The following LSAMP variants were observed in gnomAD, a reference collection of about 807,000 sequenced individuals.
The protein encoded by LSAMP is limbic system-associated membrane protein.
A neutral mutation model predicts 38.6 loss-of-function variants in LSAMP; 7 were observed. That is an observed-to-expected ratio of 0.18 (90% CI 0.10 to 0.34). The LOEUF (loss-of-function observed/expected upper bound fraction) is 0.34. Ranked by LOEUF, LSAMP falls within the 10% of genes least tolerant of loss-of-function variation. The probability of loss-of-function intolerance (pLI) is 1.00; values close to 1 mark genes in which losing one functional copy is unlikely to be tolerated. For synonymous variants in LSAMP, 154 were observed against 166.8 expected (o/e 0.92, Z 0.59); for missense variants, 313 against 420.0 (o/e 0.75, Z 2.23).
chr3:116,057,932 T>TACACACACACACACACACACACACACAC (rs535645480), intron 2 of LSAMP, among the ~76,000 whole-genome samples: 2 of 136,658 alleles, frequency 1.5e-5, no homozygotes, highest in South Asian at 2.3e-4. Context: ...ATATAGTAGC[T>TACACACACACACACACACACACACACAC]ACACACACAC....
intron 3 of LSAMP, among the ~76,000 whole-genome samples, chr3:115,954,791 ATTAT>A (rs1241367459): frequency 2.0e-5 from 3 of 152,074 alleles, no homozygotes; most frequent in Admixed American, 1.3e-4. Flanking sequence ...TAGCTCCATT[ATTAT>A]TTATTTCTCA....
chr3:116,113,650 C>T (rs192976825), intron 1 of LSAMP, among the ~76,000 whole-genome samples: 28 of 151,836 alleles, frequency 1.8e-4, no homozygotes, highest in African/African-American at 6.5e-4. Context: ...TGGTCTCGAT[C>T]TCCTGGCCTT....
chr3:115,926,953 C>T (rs1937510335), intron 3 of LSAMP, among the ~76,000 whole-genome samples: 1 of 152,138 alleles, frequency 6.6e-6, no homozygotes, highest in Admixed American at 6.6e-5. Context: ...AGCACAGTAA[C>T]TTTGTCTTAT....
rs548069191 is a variant in LSAMP, at chr3:116,409,866, G to A, written c.155+35011C>T. The stretch of plus-strand genomic sequence containing the variant: ...AAGAAGAAAGATGCTTATTTACGGA[G>A]GCATGCTGAAGGAAAAAGAGAATTA... On this transcript the variant is annotated intron_variant, in intron 1 of 6. Coordinates refer to ENST00000490035, the MANE Select transcript of LSAMP (RefSeq NM_002338.5). Among the ~76,000 whole-genome samples, 6 of 152,138 alleles carry A rather than the reference G, an allele frequency of 3.9e-5. No individual in the cohort carries two copies. In the South Asian group the frequency reaches 8.3e-4, roughly 21 times the overall value.
intron 1 of LSAMP, among the ~76,000 whole-genome samples, chr3:116,162,532 C>T (rs1263954758): frequency 2.0e-5 from 3 of 151,988 alleles, no homozygotes; most frequent in Non-Finnish European, 4.4e-5. Context: ...AGCGATCCTC[C>T]ACATATTATT....
intron 1 of LSAMP, among the ~76,000 whole-genome samples, chr3:116,145,797 C>A (rs1230429814): frequency 6.6e-6 from 1 of 151,866 alleles, no homozygotes; most frequent in Non-Finnish European, 1.5e-5. Context: ...ATGACTTTCG[C>A]AGATACAACT....
At chr3:116,176,204 G>A (rs911794710) in intron 1 of LSAMP, among the ~76,000 whole-genome samples, 1 of 152,110 alleles carries the variant, frequency 6.6e-6, no homozygotes, top group South Asian at 2.1e-4. Flanking sequence ...CTCTATATGT[G>A]TAAAGAATTG....
chr3:115,870,753 A>G (rs1936009948), intron 3 of LSAMP, among the ~76,000 whole-genome samples: 1 of 152,154 alleles, frequency 6.6e-6, no homozygotes, highest in Non-Finnish European at 1.5e-5. Context: ...GAACTGAACT[A>G]TTTCAGCATG....
intron 1 of LSAMP, among the ~76,000 whole-genome samples, chr3:116,173,793 T>TG (rs1245745017): frequency 2.6e-5 from 1 of 38,614 alleles, no homozygotes; most frequent in African/African-American, 1.0e-4. Flanking sequence ...TTTTTTTTTT[T>TG]TTTTAACAAT....
At chr3:116,247,907 A>C (rs1462785632) in intron 1 of LSAMP, among the ~76,000 whole-genome samples, 1 of 152,244 alleles carries the variant, frequency 6.6e-6, no homozygotes, top group African/African-American at 2.4e-5. Flanking sequence ...ATAGTGAAAC[A>C]TCATGTCCTC....
intron 3 of LSAMP, among the ~76,000 whole-genome samples, chr3:115,855,717 G>A (rs1433192522): frequency 6.6e-6 from 1 of 152,160 alleles, no homozygotes; most frequent in Non-Finnish European, 1.5e-5. Flanking sequence ...CCTCATGAGA[G>A]CAAATTTTCT....
chr3:115,825,098 T>A (rs1934366075), intron 6 of LSAMP, among the ~76,000 whole-genome samples: 1 of 152,202 alleles, frequency 6.6e-6, no homozygotes, highest in Admixed American at 6.5e-5. Flanking sequence ...TCAAATAACA[T>A]GAAACGAGGT....
At chr3:116,414,646 G>C (rs2049024880) in intron 1 of LSAMP, among the ~76,000 whole-genome samples, 3 of 152,096 alleles carry the variant, frequency 2.0e-5, no homozygotes, top group Admixed American at 2.0e-4. Context: ...TGAGGAACTG[G>C]AGGAAAATGG....
intron 3 of LSAMP, among the ~76,000 whole-genome samples, chr3:115,893,429 A>T (rs2107463344): frequency 6.6e-6 from 1 of 152,168 alleles, no homozygotes; most frequent in South Asian, 2.1e-4. Flanking sequence ...CTTGAAATGC[A>T]CTTAGCTGTT....
At chr3:116,135,730 A>G (rs917424383) in intron 1 of LSAMP, among the ~76,000 whole-genome samples, 1 of 152,184 alleles carries the variant, frequency 6.6e-6, no homozygotes, top group Non-Finnish European at 1.5e-5. Flanking sequence ...TGATTACATT[A>G]GTGGTACCTC....
At chr3:116,275,815 A>G (rs370158078) in intron 1 of LSAMP, among the ~76,000 whole-genome samples, 41 of 152,342 alleles carry the variant, frequency 2.7e-4, no homozygotes, top group East Asian at 1.4e-3. Context: ...CTATTCATCA[A>G]TTAATTTTAT....
chr3:115,994,496 G>A (rs1416418709), intron 3 of LSAMP, among the ~76,000 whole-genome samples: 1 of 152,004 alleles, frequency 6.6e-6, no homozygotes, highest in African/African-American at 2.4e-5. Flanking sequence ...CATGAAGCTT[G>A]GTTTCTCTTA....
At chr3:116,431,117 C>G (rs2049274644) in intron 1 of LSAMP, among the ~76,000 whole-genome samples, 1 of 151,830 alleles carries the variant, frequency 6.6e-6, no homozygotes, top group South Asian at 2.1e-4. Flanking sequence ...AATTTGCTTC[C>G]TATGGTTTTA....
intron 3 of LSAMP, among the ~76,000 whole-genome samples, chr3:116,016,067 A>G (rs1940473164): frequency 6.6e-6 from 1 of 151,918 alleles, no homozygotes; most frequent in Non-Finnish European, 1.5e-5. Flanking sequence ...TTGCTGTCAC[A>G]CAGGGAGCAG....
Sources: gnomAD v4.1 joint callset for allele counts (sites outside exome capture counted in the v4.1 genomes callset) on GRCh38, gnomAD v4.1.1 for gene constraint, MANE v1.5 for transcripts, NCBI Gene and HGNC (gene_info 2026-07-23, HGNC 2026-07-21) for gene names.